EFR3B: variants seen among roughly 807,000 people sequenced by gnomAD.
EFR3B encodes protein EFR3 homolog B.
A neutral mutation model predicts 104.7 loss-of-function variants in EFR3B; 64 were observed. The ratio of observed to expected loss-of-function variants is 0.61; its 90% CI spans 0.50 to 0.75. EFR3B has a LOEUF of 0.75. Among genes scored for constraint, EFR3B ranks in the 30% least tolerant of loss-of-function variants. The probability of loss-of-function intolerance (pLI) is 0.00; values close to 1 mark genes in which losing one functional copy is unlikely to be tolerated. For missense variants in EFR3B, 750 were observed against 1,078.5 expected, an observed-to-expected ratio of 0.70 and a Z score of 4.27; for synonymous variants, 385 against 417.9, an observed-to-expected ratio of 0.92 and a Z score of 0.96.
At chr2:25,055,315 C>T (rs1029470069) in intron 1 of EFR3B, among the ~76,000 whole-genome samples, 8 of 152,222 alleles carry the variant, frequency 5.3e-5, no homozygotes, top group African/African-American at 1.9e-4. Flanking sequence ...ATAGATTTTA[C>T]ATAGTTAACT....
intron 1 of EFR3B, among the ~76,000 whole-genome samples, chr2:25,051,523 T>C (rs1667868091): frequency 6.6e-6 from 1 of 152,140 alleles, no homozygotes; most frequent in Non-Finnish European, 1.5e-5. Context: ...TTGCGTACCA[T>C]ATTTTAATTC....
At chr2:25,075,295 TTAAC>T (rs1421027118) in intron 1 of EFR3B, among the ~76,000 whole-genome samples, 1 of 152,196 alleles carries the variant, frequency 6.6e-6, no homozygotes, top group Non-Finnish European at 1.5e-5. Flanking sequence ...CGTAGGCAAA[TTAAC>T]TAACCTCTGT....
intron 1 of EFR3B, among the ~76,000 whole-genome samples, chr2:25,062,103 C>T (rs778884130): frequency 2.0e-5 from 3 of 151,750 alleles, no homozygotes; most frequent in African/African-American, 4.8e-5. Flanking sequence ...AATTTTTTTC[C>T]CTATAACTTA....
chr2:25,142,631 C>T (rs550695675), intron 17 of EFR3B, among the ~76,000 whole-genome samples: 14 of 149,688 alleles, frequency 9.4e-5, no homozygotes, highest in African/African-American at 1.5e-4. Context: ...TGGTGGCGTG[C>T]GCCTGTAATC....
chr2:25,142,038 G>A (rs971265888), intron 17 of EFR3B, among the ~76,000 whole-genome samples: 4 of 152,168 alleles, frequency 2.6e-5, no homozygotes, highest in Admixed American at 6.5e-5. Context: ...GGTGGCTCAC[G>A]CCTGCAGGCC....
At chr2:25,088,344 G>T (rs1350675277) in intron 1 of EFR3B, among the ~76,000 whole-genome samples, 1 of 152,170 alleles carries the variant, frequency 6.6e-6, no homozygotes, top group Non-Finnish European at 1.5e-5. Context: ...CAAGTGTACA[G>T]AGCTGCCTTG....
At chr2:25,110,496 AG>A (rs1669694670) in intron 4 of EFR3B, among the ~76,000 whole-genome samples, 1 of 152,088 alleles carries the variant, frequency 6.6e-6, no homozygotes, top group Admixed American at 6.6e-5. Context: ...GGGCTGTCCC[AG>A]GGGGCTTCTT....
rs1465579825 is a variant in EFR3B, at chr2:25,061,543, G to C, written c.7+19224G>C. On this transcript the variant is annotated intron_variant, in intron 1 of 22. Transcript: ENST00000403714. ...GAGTCTCCCTCTGTTGCCCAGGCTG[G>C]AGTGCTGTGGCGTGATCTCGGCTCA... 2.0e-5 allele frequency among the ~76,000 whole-genome samples: 3 copies of C among 151,946 alleles called. No individual in the cohort carries two copies. The East Asian group carries it at 5.8e-4, about 29-fold the overall frequency.
chr2:25,129,611 A>G (rs1193424640), intron 6 of EFR3B, among the ~76,000 whole-genome samples: 2 of 148,542 alleles, frequency 1.3e-5, no homozygotes, highest in South Asian at 2.1e-4. Context: ...TCCCTTTCCT[A>G]TCTTCATCTC....
At chr2:25,070,087 A>G (rs1668453412) in intron 1 of EFR3B, among the ~76,000 whole-genome samples, 2 of 152,182 alleles carry the variant, frequency 1.3e-5, no homozygotes, top group African/African-American at 2.4e-5. Flanking sequence ...TGCCATGGCA[A>G]TGGTAAACTG....
At position 25,154,833 on chromosome 2, in the gene EFR3B, A is replaced by C; in HGVS notation, c.*493A>C. The stretch of plus-strand genomic sequence containing the variant: ...CGCCCATGTCCCTGCTGTGTCTCTC[A>C]CTCTCTTGCTCATCTCCCAGTTGTC... On this transcript the variant is annotated 3_prime_UTR_variant, in exon 23 of 23. Transcript: ENST00000403714. The surrounding 1 kb of genome is among the most constrained non-coding windows in gnomAD (Gnocchi z 4.1). The C allele has an allele frequency of 6.5e-6, 1 of 154,298 alleles. No homozygotes were observed. The highest frequency in any genetic ancestry group is 1.4e-5 in the Non-Finnish European group (1 of 69,950). The allele number at this position is 154,298 out of a possible 1,614,324, so 9.6% of individuals were successfully genotyped here. A position where few individuals can be genotyped will look rare whatever the true frequency, so the allele number is the denominator to read the frequency against.
chr2:25,106,358 C>T (rs1055529558), intron 4 of EFR3B, among the ~76,000 whole-genome samples: 9 of 151,996 alleles, frequency 5.9e-5, no homozygotes, highest in African/African-American at 1.2e-4. Flanking sequence ...GGCATGATCT[C>T]GGCTCACTGC....
chr2:25,149,405 C>A (rs1670940358), intron 19 of EFR3B, among the ~76,000 whole-genome samples: 1 of 152,134 alleles, frequency 6.6e-6, no homozygotes, highest in Non-Finnish European at 1.5e-5. Flanking sequence ...GCTTGATGGA[C>A]AGGCTTGGGG....
rs1667605663 is a variant in EFR3B at position 25,042,732 on chromosome 2, G to A, written c.7+413G>A. ...CTGAGGGAGACGCCCGCGGCCGGTCGTCTGCGCGGCTCGGAGAAGGCGGGA... is the reference window on the plus strand; with the variant it reads ...CTGAGGGAGACGCCCGCGGCCGGTCATCTGCGCGGCTCGGAGAAGGCGGGA... On this transcript the variant is annotated intron_variant, in intron 1 of 22. Transcript: ENST00000403714. This position sits in a 1 kb window ranked among gnomAD's most constrained non-coding sequence, Gnocchi z 5.4. 8 of 987,596 alleles carry A rather than the reference G, an allele frequency of 8.1e-6. No homozygotes were observed. The South Asian group carries it at 1.4e-4, about 17-fold the overall frequency. 61.2% of individuals were successfully genotyped at this position (987,596 alleles called of 1,614,324 possible).
Position 25,064,317 on chromosome 2 carries a change from C to T in EFR3B, c.7+21998C>T, listed in dbSNP as rs373293912. Among the ~76,000 whole-genome samples the T allele has an allele frequency of 9.2e-5, 14 of 152,252 alleles. No homozygotes were observed. The East Asian group carries it at 2.3e-3, about 25-fold the overall frequency. The stretch of plus-strand genomic sequence containing the variant: ...AATCTGCATCTTAAATCTGTGAGTT[C>T]GTCTGTATATTTAAAGCACTTACTC... On this transcript the variant is annotated intron_variant, in intron 1 of 22. Coordinates refer to ENST00000403714, the MANE Select transcript of EFR3B (RefSeq NM_014971.2).
intron 1 of EFR3B, among the ~76,000 whole-genome samples, chr2:25,087,536 A>G (rs1027251239): frequency 3.3e-5 from 5 of 150,836 alleles, no homozygotes; most frequent in Admixed American, 6.6e-5. Flanking sequence ...CTGTAGTGCA[A>G]TGGCACAATC....
chr2:25,052,676 T>A (rs1235024709), intron 1 of EFR3B, among the ~76,000 whole-genome samples: 2 of 152,114 alleles, frequency 1.3e-5, no homozygotes, highest in Non-Finnish European at 2.9e-5. Flanking sequence ...CTAATGTTTT[T>A]GTATTTTTAG....
At chr2:25,152,974 A>C (rs1395337164) in intron 21 of EFR3B, among the ~76,000 whole-genome samples, 2 of 152,110 alleles carry the variant, frequency 1.3e-5, no homozygotes, top group Non-Finnish European at 2.9e-5. Flanking sequence ...CACTCTCTGC[A>C]TTCATTAACC....
At chr2:25,081,230 GA>G (rs1668793944) in intron 1 of EFR3B, 1 of 1,007,954 alleles carries the variant, frequency 9.9e-7, no homozygotes, top group Admixed American at 1.9e-5. Flanking sequence ...CTTCTGGAGA[GA>G]AAACTATCTT....
Sources: gnomAD v4.1 joint callset for allele counts (sites outside exome capture counted in the v4.1 genomes callset) on GRCh38, gnomAD v4.1.1 for gene constraint, Gnocchi (gnomAD v3.1) non-coding constraint, MANE v1.5 for transcripts, NCBI Gene and HGNC (gene_info 2026-07-23, HGNC 2026-07-21) for gene names.